The following MYO10 variants were observed in gnomAD, a reference collection of about 807,000 sequenced individuals.
The protein encoded by MYO10 is unconventional myosin-X.
In MYO10, 133 loss-of-function variants were observed where a neutral mutation model predicts 257.3. That is an observed-to-expected ratio of 0.52 (90% CI 0.45 to 0.60). The LOEUF (loss-of-function observed/expected upper bound fraction) is 0.60. MYO10 is among the 20% of genes least tolerant of loss of function. The pLI is 0.00. For missense variants in MYO10, 2,399 were observed against 2,635.7 expected, an observed-to-expected ratio of 0.91 and a Z score of 1.97; for synonymous variants, 1,104 against 1,028.6, an observed-to-expected ratio of 1.07 and a Z score of -1.40.
rs1384764758 is a variant in MYO10, at chr5:16,681,500, C to T, written c.4193G>A (p.Trp1398Ter). ...VEGQEFIVRG[W>*]LHKEVKNSPK... ...ACTGTTCTTCACCTCTTTGTGCAAC[C>T]ATCCTGGAAAAAAAGATTAAAGTGT... The change falls in exon 32 of 41, where the codon TGG becomes TAG. Residue 1398 changes from tryptophan (W) to a stop codon, truncating the protein, a stop_gained. Transcript: ENST00000513610. LOFTEE classifies it high-confidence loss of function. The T allele has an allele frequency of 6.3e-7, 1 of 1,595,922 alleles. No homozygotes were observed. The highest frequency in any genetic ancestry group is 1.4e-5 in the African/African-American group (1 of 73,600).
intron 1 of MYO10, among the ~76,000 whole-genome samples, chr5:16,933,371 G>A (rs751539293): frequency 1.2e-4 from 19 of 152,318 alleles, no homozygotes; most frequent in Non-Finnish European, 2.4e-4. Flanking sequence ...AGAAATAGCA[G>A]TTGCGAATCA....
At position 16,740,236 on chromosome 5, in the gene MYO10, C is replaced by G. The variant is rs79194984; in HGVS notation, c.1929+14592G>C. Reference sequence around the variant, plus strand: ...GGCTGATGGGGATTTGGGAATTGGTCCTTTGTAGCCGCTGGGGGAGCAAAG... The same window carrying G: ...GGCTGATGGGGATTTGGGAATTGGTGCTTTGTAGCCGCTGGGGGAGCAAAG... On this transcript the variant is annotated intron_variant, in intron 19 of 40. Coordinates refer to ENST00000513610, the MANE Select transcript of MYO10 (RefSeq NM_012334.3). Among the ~76,000 whole-genome samples the G allele has an allele frequency of 5.4e-3, 827 of 152,160 alleles. 3 individuals carry two copies. Among genetic ancestry groups the G allele is most frequent in the African/African-American group, 0.019 (798 of 41,490 alleles).
In MYO10 at chr5:16,683,841, T is replaced by A. The variant is rs114291426; in HGVS notation, c.4046+39A>T. 4,929 of 1,603,092 alleles carry A rather than the reference T, an allele frequency of 3.1e-3. 133 individuals are homozygous for A. In the African/African-American group the frequency reaches 0.056, roughly 18 times the overall value. ...ACAGACACCTGTGGACACACACAGG[T>A]GATGAGCTGTTTTTGTTAAGAGCCA... On this transcript the variant is annotated intron_variant, in intron 30 of 40. Coordinates refer to ENST00000513610, the MANE Select transcript of MYO10 (RefSeq NM_012334.3).
intron 17 of MYO10, among the ~76,000 whole-genome samples, chr5:16,759,137 G>T (rs374794504): frequency 6.6e-6 from 1 of 152,122 alleles, no homozygotes; most frequent in Non-Finnish European, 1.5e-5. Context: ...TGGCCAGGCT[G>T]GTCTTGAACT....
chr5:16,907,883 T>A (rs1043797532), intron 1 of MYO10, among the ~76,000 whole-genome samples: 1 of 152,366 alleles, frequency 6.6e-6, no homozygotes. Flanking sequence ...AATATAAAAA[T>A]TTATCTTTAC....
intron 2 of MYO10, among the ~76,000 whole-genome samples, chr5:16,870,873 CA>C (rs1744439196): frequency 6.6e-6 from 1 of 152,256 alleles, no homozygotes; most frequent in East Asian, 1.9e-4. Flanking sequence ...GCCTGGACAA[CA>C]AGAGCAAAAC....
chr5:16,796,483 G>GAAAGAAAGAAAGAAAGAAAGA lies in MYO10; in HGVS notation c.280-1651_280-1650insTCTTTCTTTCTTTCTTTCTTT, dbSNP rs1553997268. 3.7e-4 allele frequency among the ~76,000 whole-genome samples: 50 copies of GAAAGAAAGAAAGAAAGAAAGA among 136,960 alleles called. 1 individual carries two copies. Among genetic ancestry groups the GAAAGAAAGAAAGAAAGAAAGA allele is most frequent in the Non-Finnish European group, 6.0e-4 (38 of 62,910 alleles). The allele number at this position is 136,960 out of a possible 152,430, so 89.9% of individuals were successfully genotyped here. A position where few individuals can be genotyped will look rare whatever the true frequency, so the allele number is the denominator to read the frequency against. ...AAGAAAGAAAGAAAAGAAAAGAAAAGAAAGAAAGAAAGAAGGAAAATAAAT... is the reference window on the plus strand; with the variant it reads ...AAGAAAGAAAGAAAAGAAAAGAAAAGAAAGAAAGAAAGAAAGAAAGAAAAGAAAGAAAGAAGGAAAATAAAT... On this transcript the variant is annotated intron_variant, in intron 3 of 40. Coordinates refer to ENST00000513610, the MANE Select transcript of MYO10 (RefSeq NM_012334.3).
At chr5:16,709,357 G>A (rs990100918) in intron 21 of MYO10, among the ~76,000 whole-genome samples, 2 of 152,148 alleles carry the variant, frequency 1.3e-5, no homozygotes, top group African/African-American at 2.4e-5. Flanking sequence ...CTTCCTGAGT[G>A]GGGGTGCAAT....
At chr5:16,880,632 C>T (rs549448034) in intron 1 of MYO10, among the ~76,000 whole-genome samples, 1 of 152,258 alleles carries the variant, frequency 6.6e-6, no homozygotes, top group Non-Finnish European at 1.5e-5. Context: ...ATCCTGAGGC[C>T]TGCCTATGTA....
chr5:16,841,420 A>G (rs887264880), intron 2 of MYO10, among the ~76,000 whole-genome samples: 2 of 152,214 alleles, frequency 1.3e-5, no homozygotes, highest in Admixed American at 6.5e-5. Context: ...AAACTCCAAT[A>G]GTCAGAAGGA....
chr5:16,893,429 T>A (rs942062130), intron 1 of MYO10, among the ~76,000 whole-genome samples: 6 of 150,864 alleles, frequency 4.0e-5, no homozygotes, highest in African/African-American at 1.5e-4. Flanking sequence ...AGATCAGGAG[T>A]TTGAGACCAG....
At chr5:16,716,696 G>T (rs1303034436) in intron 19 of MYO10, among the ~76,000 whole-genome samples, 1 of 151,962 alleles carries the variant, frequency 6.6e-6, no homozygotes, top group Non-Finnish European at 1.5e-5. Flanking sequence ...GGAAGACGTG[G>T]CTGGGGGTGG....
In MYO10 at chr5:16,885,683, CA is replaced by C. The variant is rs200263020; in HGVS notation, c.22-7977del. On this transcript the variant is annotated intron_variant, in intron 1 of 40. Transcript: ENST00000513610. ...CAAGACTCTGTCTCAACAAAAACAA[CA>C]AAAAAAAACGGCGGGGGTTGGGGGG... Among the ~76,000 whole-genome samples the C allele has an allele frequency of 5.6e-5, 8 of 141,732 alleles. No homozygotes were observed. In the East Asian group the frequency reaches 1.9e-3, roughly 34 times the overall value. 93.0% of individuals were successfully genotyped at this position (141,732 alleles called of 152,430 possible). A position where few individuals can be genotyped will look rare whatever the true frequency, so the allele number is the denominator to read the frequency against.
chr5:16,783,350 G>C lies in MYO10; in HGVS notation c.587C>G (p.Ala196Gly), dbSNP rs757732269. The C allele has an allele frequency of 4.4e-6, 7 of 1,583,636 alleles. No homozygotes were observed. The Admixed American group carries it at 1.1e-4, about 25-fold the overall frequency. The part of the protein sequence containing the change: ...LKEKTSCVER[A>G]ILESSPIMEA... ...CAATAAATACCTGCTTTCAAGAATA[G>C]CTCGTTCAACACAGGATGTCTTCTC... Residue 196 changes from alanine to glycine, a missense_variant, in exon 5 of 41, where the codon GCT (alanine) becomes GGT (glycine). Coordinates refer to ENST00000513610, the MANE Select transcript of MYO10 (RefSeq NM_012334.3).
At position 16,668,297 on chromosome 5, in the gene MYO10, G is replaced by A. The variant is rs779872449; in HGVS notation, c.6055C>T (p.Leu2019=). 5 of 1,612,948 alleles carry A rather than the reference G, an allele frequency of 3.1e-6. No homozygotes were observed. The highest frequency in any genetic ancestry group is 3.4e-6 in the Non-Finnish European group (4 of 1,179,528). The change falls in exon 40 of 41, where the codon CTG becomes TTG. Residue 2019 remains leucine (L), a synonymous_variant. Coordinates refer to ENST00000513610, the MANE Select transcript of MYO10 (RefSeq NM_012334.3). ...TYKIVVDERE[L]LFETSEVVDV... ...CTTACCTCACTGGTTTCAAAGAGCA[G>A]CTCCCTCTCATCGACCACGATCTTA...
chr5:16,928,902 C>T (rs376138543), intron 1 of MYO10, among the ~76,000 whole-genome samples: 71 of 151,612 alleles, frequency 4.7e-4, no homozygotes, highest in African/African-American at 1.3e-3. Context: ...AAACAGAAGG[C>T]GCTTGGCTTT....
At chr5:16,716,204 A>C (rs1369869854) in intron 19 of MYO10, among the ~76,000 whole-genome samples, 1 of 152,146 alleles carries the variant, frequency 6.6e-6, no homozygotes, top group African/African-American at 2.4e-5. Context: ...ATCCTACCAA[A>C]AATAAGTAGA....
intron 2 of MYO10, among the ~76,000 whole-genome samples, chr5:16,870,219 GA>G (rs11343947): frequency 0.67 from 101,115 of 151,028 alleles, 34,571 homozygotes; most frequent in African/African-American, 0.75. Flanking sequence ...CGAAGTGCAA[GA>G]AAAAAACCTT....
In MYO10 at chr5:16,769,061, G is replaced by T. The variant is rs777840725; in HGVS notation, c.1060+13C>A. On this transcript the variant is annotated intron_variant, in intron 10 of 40. Coordinates refer to ENST00000513610, the MANE Select transcript of MYO10 (RefSeq NM_012334.3). The stretch of plus-strand genomic sequence containing the variant: ...ACAAAGGGAGCGAGGAGGGCAGGCA[G>T]GCATAATCTTACCTGTTTTGAAGGA... The T allele has an allele frequency of 1.2e-6, 2 of 1,604,202 alleles. No homozygotes were observed. Among genetic ancestry groups the T allele is most frequent in the South Asian group, 2.3e-5 (2 of 88,760 alleles).
Sources: gnomAD v4.1 joint callset for allele counts (sites outside exome capture counted in the v4.1 genomes callset) on GRCh38, gnomAD v4.1.1 for gene constraint, MANE v1.5 for transcripts, NCBI Gene and HGNC (gene_info 2026-07-23, HGNC 2026-07-21) for gene names.